Variants in NBEAL1 observed in about 807,000 individuals in gnomAD.
NBEAL1 encodes the protein neurobeachin-like protein 1.
NBEAL1 carries 273 observed loss-of-function variants against 351.3 expected under a neutral mutation model. The observed-to-expected ratio is 0.78, with a 90% CI of 0.70 to 0.86. NBEAL1 has a LOEUF of 0.86. Ranked by LOEUF, NBEAL1 falls within the 40% of genes least tolerant of loss-of-function variation. The pLI, the probability that NBEAL1 is intolerant of heterozygous loss-of-function variation, is 0.00. For synonymous variants in NBEAL1, 1,050 were observed against 1,086.4 expected (o/e 0.97, Z 0.66); for missense variants, 2,961 against 3,201.3 (o/e 0.92, Z 1.81).
At chr2:203,166,005 C>G (rs1048578166) in intron 36 of NBEAL1, 144 bp from the exon 37 acceptor site, 11 of 633,922 alleles carry the variant, frequency 1.7e-5, no homozygotes, top group Non-Finnish European at 2.5e-5. Context: ...CGACATTGTG[C>G]CACTGCACTC....
chr2:203,117,643 G>C (rs966642691), intron 18 of NBEAL1, among the ~76,000 whole-genome samples: 1 of 151,924 alleles, frequency 6.6e-6, no homozygotes, highest in Non-Finnish European at 1.5e-5. Context: ...GCTTTTATTA[G>C]ATAAGTAAAA....
intron 2 of NBEAL1, among the ~76,000 whole-genome samples, chr2:203,020,176 A>G (rs1574853900): frequency 6.6e-6 from 1 of 152,284 alleles, no homozygotes; most frequent in Non-Finnish European, 1.5e-5. Context: ...TTGGTTTCTT[A>G]CCAAACTTTT....
chr2:203,110,082 A>G (rs1330750619), intron 14 of NBEAL1, 68 bp from the exon 15 acceptor site: 5 of 1,404,874 alleles, frequency 3.6e-6, no homozygotes, highest in Non-Finnish European at 4.8e-6. Flanking sequence ...TTATGGTTTT[A>G]TGTACTTTAA....
At chr2:203,142,760 T>C (rs1052112231) in intron 31 of NBEAL1, among the ~76,000 whole-genome samples, 1 of 152,218 alleles carries the variant, frequency 6.6e-6, no homozygotes. Context: ...TGGTATTTCC[T>C]GGATGTAGGG....
intron 2 of NBEAL1, among the ~76,000 whole-genome samples, chr2:203,020,363 A>G (rs1277337822): frequency 1.3e-5 from 2 of 152,140 alleles, no homozygotes; most frequent in Non-Finnish European, 2.9e-5. Flanking sequence ...ACCAGTGTAT[A>G]AGACTATTAA....
At chr2:203,024,793 C>G (rs371716867) in intron 2 of NBEAL1, among the ~76,000 whole-genome samples, 1 of 151,608 alleles carries the variant, frequency 6.6e-6, no homozygotes, top group African/African-American at 2.4e-5. Flanking sequence ...ACCTGGGGGG[C>G]GGAGACTGTA....
intron 35 of NBEAL1, among the ~76,000 whole-genome samples, chr2:203,157,475 T>A (rs1413811207): frequency 2.0e-5 from 3 of 152,106 alleles, no homozygotes; most frequent in Admixed American, 2.0e-4. Context: ...TAAAAATAGA[T>A]ACTATTATTT....
At chr2:203,197,233 A>G in intron 47 of NBEAL1, 69 bp from the exon 48 acceptor site, 1 of 832,658 alleles carries the variant, frequency 1.2e-6, no homozygotes, top group Non-Finnish European at 2.0e-6. Context: ...ATTTAAAGAG[A>G]CGGTTTTCAG....
intron 19 of NBEAL1, among the ~76,000 whole-genome samples, chr2:203,123,161 A>G (rs1255523381): frequency 6.6e-6 from 1 of 151,222 alleles, no homozygotes; most frequent in East Asian, 1.9e-4. Flanking sequence ...TTTTCTAATC[A>G]GTTAACACCA....
At chr2:203,098,807 G>A (rs995059960) in intron 11 of NBEAL1, among the ~76,000 whole-genome samples, 3 of 151,886 alleles carry the variant, frequency 2.0e-5, no homozygotes, top group Non-Finnish European at 2.9e-5. Context: ...TATAAAAATA[G>A]ATATATTTAA....
In NBEAL1 at chr2:203,217,960, C is replaced by A; in HGVS notation, c.*606C>A. ...GAAGTTACTGAAATCTATTACTGTC[C>A]TTAATAAAAATTGAGTAGAAAAAAG... On this transcript the variant is annotated 3_prime_UTR_variant, in exon 56 of 56. Transcript: ENST00000683969. The A allele has an allele frequency of 1.1e-6, 1 of 930,312 alleles. No individual in the cohort carries two copies. The highest frequency in any genetic ancestry group is 1.3e-6 in the Non-Finnish European group (1 of 779,962). 57.6% of individuals were successfully genotyped at this position (930,312 alleles called of 1,614,324 possible).
At chr2:203,015,163 A>C (rs1427893108) in intron 1 of NBEAL1, among the ~76,000 whole-genome samples, 181 bp downstream of exon 1, 1 of 152,156 alleles carries the variant, frequency 6.6e-6, no homozygotes, top group African/African-American at 2.4e-5. Context: ...GGAGACGCCG[A>C]GTCCGCATTC....
chr2:203,151,969 T>C (rs570519393), intron 35 of NBEAL1, among the ~76,000 whole-genome samples: 1 of 152,150 alleles, frequency 6.6e-6, no homozygotes, highest in African/African-American at 2.4e-5. Context: ...TTCTTTTCTT[T>C]TTTTTGAGAC....
chr2:203,214,732 G>T (rs2065870047), intron 55 of NBEAL1, among the ~76,000 whole-genome samples: 1 of 152,174 alleles, frequency 6.6e-6, no homozygotes, highest in Non-Finnish European at 1.5e-5. Context: ...CGGATATCGT[G>T]CTGCTGCACT....
At chr2:203,162,520 A>C (rs2063997581) in intron 36 of NBEAL1, among the ~76,000 whole-genome samples, 1 of 151,974 alleles carries the variant, frequency 6.6e-6, no homozygotes, top group Admixed American at 6.6e-5. Flanking sequence ...AGGTGGACAG[A>C]TCACTTGAGC....
In NBEAL1 at chr2:203,055,897, G is replaced by A. The variant is rs565743455; in HGVS notation, c.306-530G>A. On this transcript the variant is annotated intron_variant, in intron 4 of 55. Transcript: ENST00000683969. Reference sequence around the variant, plus strand: ...ATGATACTGTGCCGTCTTAGAGTAAGTAAAGATGCTGTTAGCCCTTTTTCA... The same window carrying A: ...ATGATACTGTGCCGTCTTAGAGTAAATAAAGATGCTGTTAGCCCTTTTTCA... Among the ~76,000 whole-genome samples, 140 of 152,268 alleles carry A rather than the reference G, an allele frequency of 9.2e-4. 2 individuals are homozygous for A. The South Asian group carries it at 0.012, about 13-fold the overall frequency.
chr2:203,184,256 C>T (rs1340695098), intron 44 of NBEAL1, among the ~76,000 whole-genome samples: 1 of 151,838 alleles, frequency 6.6e-6, no homozygotes, highest in Non-Finnish European at 1.5e-5. Flanking sequence ...CATGGCAAAA[C>T]CCCATCTGTA....
chr2:203,188,278 G>A (rs2064970245), intron 44 of NBEAL1, among the ~76,000 whole-genome samples, 194 bp from the exon 45 acceptor site: 1 of 152,010 alleles, frequency 6.6e-6, no homozygotes, highest in African/African-American at 2.4e-5. Flanking sequence ...CTACATTATA[G>A]TAGACAGGAA....
intron 42 of NBEAL1, among the ~76,000 whole-genome samples, chr2:203,178,886 T>C (rs1461269732): frequency 6.6e-5 from 10 of 152,218 alleles, no homozygotes; most frequent in Non-Finnish European, 1.5e-4. Context: ...ATGAATATAC[T>C]GAATTAAACC....
Sources: gnomAD v4.1 joint callset for allele counts (sites outside exome capture counted in the v4.1 genomes callset) on GRCh38, gnomAD v4.1.1 for gene constraint, MANE v1.5 for transcripts, NCBI Gene and HGNC (gene_info 2026-07-23, HGNC 2026-07-21) for gene names.